Variants in WDR7 observed in about 807,000 individuals in gnomAD.
WDR7 encodes the protein WD repeat-containing protein 7.
In WDR7, 46 loss-of-function variants were observed where a neutral mutation model predicts 169.4. That is an observed-to-expected ratio of 0.27 (90% CI 0.21 to 0.35). WDR7 has a LOEUF of 0.35. Ranked by LOEUF, WDR7 falls within the 10% of genes least tolerant of loss-of-function variation. The pLI is 1.00. For synonymous variants in WDR7, 612 were observed against 666.8 expected (o/e 0.92, Z 1.27); for missense variants, 1,534 against 1,859.3 (o/e 0.83, Z 3.22).
intron 21 of WDR7, among the ~76,000 whole-genome samples, chr18:56,886,935 A>AAT (rs1157998540): frequency 2.6e-5 from 4 of 152,220 alleles, no homozygotes; most frequent in Non-Finnish European, 5.9e-5. Flanking sequence ...CACAATTTTA[A>AAT]ATATATATAC....
In WDR7 at chr18:57,027,436, G is replaced by C. The variant is rs2048382923; in HGVS notation, c.*229G>C. 1 of 548,864 alleles carries C rather than the reference G, an allele frequency of 1.8e-6. No individual in the cohort carries two copies. The highest frequency in any genetic ancestry group is 3.2e-6 in the Non-Finnish European group (1 of 317,292). The allele number at this position is 548,864 out of a possible 1,614,324, so 34.0% of individuals were successfully genotyped here. A position where few individuals can be genotyped will look rare whatever the true frequency, so the allele number is the denominator to read the frequency against. The stretch of plus-strand genomic sequence containing the variant: ...ATGCTCTGCAGGATGTGGCCATCCT[G>C]TCACCAGGTAGTTTTTCCCTGCCAG... On this transcript the variant is annotated 3_prime_UTR_variant, in exon 28 of 28. Coordinates refer to ENST00000254442, the MANE Select transcript of WDR7 (RefSeq NM_015285.3).
chr18:56,980,362 G>A (rs1462859032), intron 26 of WDR7, among the ~76,000 whole-genome samples: 1 of 152,198 alleles, frequency 6.6e-6, no homozygotes, highest in Non-Finnish European at 1.5e-5. Flanking sequence ...TGGCAGTGGT[G>A]TGGAGCCGTG....
At chr18:56,736,761 A>G (rs2026708289) in intron 14 of WDR7, among the ~76,000 whole-genome samples, 1 of 152,024 alleles carries the variant, frequency 6.6e-6, no homozygotes, top group African/African-American at 2.4e-5. Context: ...GTGGAGGTAA[A>G]GAGTGTGGAA....
At chr18:56,704,756 A>C (rs1164323747) in intron 12 of WDR7, among the ~76,000 whole-genome samples, 1 of 152,214 alleles carries the variant, frequency 6.6e-6, no homozygotes, top group African/African-American at 2.4e-5. Flanking sequence ...CATTTTAAAA[A>C]ATTAGAAATT....
At chr18:56,800,697 G>C (rs1201735406) in intron 19 of WDR7, among the ~76,000 whole-genome samples, 1 of 152,200 alleles carries the variant, frequency 6.6e-6, no homozygotes, top group African/African-American at 2.4e-5. Context: ...TCATTGCTCA[G>C]ATTATCCTGG....
At chr18:56,854,871 T>C (rs2045695343) in intron 20 of WDR7, among the ~76,000 whole-genome samples, 1 of 152,168 alleles carries the variant, frequency 6.6e-6, no homozygotes, top group Admixed American at 6.6e-5. Flanking sequence ...TTCTGAGGGC[T>C]GCTTCTGAGG....
chr18:56,864,424 C>T (rs1302701720), intron 20 of WDR7, among the ~76,000 whole-genome samples: 5 of 151,348 alleles, frequency 3.3e-5, no homozygotes, highest in Non-Finnish European at 7.4e-5. Flanking sequence ...TTTGTTTGAG[C>T]TTTTAAAAAT....
chr18:56,991,388 G>T (rs958381499), intron 26 of WDR7, among the ~76,000 whole-genome samples: 2 of 151,952 alleles, frequency 1.3e-5, no homozygotes, highest in Non-Finnish European at 2.9e-5. Context: ...CTCGTGATCC[G>T]CCTGCCTTGG....
intron 26 of WDR7, among the ~76,000 whole-genome samples, chr18:56,963,607 T>C (rs2047364903): frequency 6.6e-6 from 1 of 152,270 alleles, no homozygotes; most frequent in Non-Finnish European, 1.5e-5. Context: ...CTCTAATGTG[T>C]GAATGTGCAT....
intron 21 of WDR7, among the ~76,000 whole-genome samples, chr18:56,906,907 G>A (rs2046486128): frequency 6.6e-6 from 1 of 152,156 alleles, no homozygotes; most frequent in Non-Finnish European, 1.5e-5. Flanking sequence ...GATTGGCACT[G>A]GCTGTCACAC....
At chr18:56,983,564 C>G (rs915884364) in intron 26 of WDR7, among the ~76,000 whole-genome samples, 2 of 76,358 alleles carry the variant, frequency 2.6e-5, no homozygotes, top group Non-Finnish European at 5.2e-5. Context: ...TAAACACACA[C>G]ACACACAGAG....
chr18:56,833,195 C>T (rs2045343288), intron 20 of WDR7, among the ~76,000 whole-genome samples: 2 of 151,688 alleles, frequency 1.3e-5, no homozygotes, highest in South Asian at 4.2e-4. Context: ...GAAGCATACA[C>T]AAGTATTAGT....
chr18:56,762,544 A>G (rs932923667), intron 16 of WDR7, among the ~76,000 whole-genome samples: 1 of 152,076 alleles, frequency 6.6e-6, no homozygotes, highest in Non-Finnish European at 1.5e-5. Context: ...TTTCAAATAT[A>G]TTGACATTTG....
chr18:56,971,088 G>A lies in WDR7; in HGVS notation c.4164+8559G>A, dbSNP rs1308386228. 2.0e-5 allele frequency among the ~76,000 whole-genome samples: 3 copies of A among 151,958 alleles called. No homozygotes were observed. The East Asian group carries it at 5.8e-4, about 29-fold the overall frequency. ...GGAGTTCGAGACCAGCCTGGCCAAT[G>A]TGGTGAAACCCCATCTCTACTAAAA... is the stretch of plus-strand genomic sequence containing the variant. On this transcript the variant is annotated intron_variant, in intron 26 of 27. Coordinates refer to ENST00000254442, the MANE Select transcript of WDR7 (RefSeq NM_015285.3).
intron 25 of WDR7, among the ~76,000 whole-genome samples, chr18:56,945,194 C>T (rs1164302207): frequency 6.6e-6 from 1 of 152,156 alleles, no homozygotes; most frequent in African/African-American, 2.4e-5. Flanking sequence ...GAAAGCAAGA[C>T]AAGGCCAACA....
chr18:56,691,673 T>C, intron 8 of WDR7, 42 bp from the exon 9 acceptor site: 4 of 1,520,024 alleles, frequency 2.6e-6, no homozygotes, highest in Non-Finnish European at 3.6e-6. Context: ...AAGTATTTAA[T>C]GTCAGTATTT....
intron 12 of WDR7, among the ~76,000 whole-genome samples, chr18:56,698,836 C>T (rs2025762957): frequency 6.6e-6 from 1 of 151,948 alleles, no homozygotes; most frequent in African/African-American, 2.4e-5. Context: ...AATGTATTTG[C>T]AATTTGTAAT....
intron 20 of WDR7, among the ~76,000 whole-genome samples, chr18:56,821,300 G>A (rs532835634): frequency 6.6e-5 from 10 of 152,154 alleles, no homozygotes; most frequent in Non-Finnish European, 1.3e-4. Context: ...CTTTTATCAA[G>A]CACATTACAC....
chr18:56,695,262 T>C, intron 11 of WDR7, 64 bp downstream of exon 11: 1 of 1,553,006 alleles, frequency 6.4e-7, no homozygotes, highest in Middle Eastern at 1.7e-4. Context: ...AGTGAAAATG[T>C]CTCTGTTTTT....
Sources: gnomAD v4.1 joint callset for allele counts (sites outside exome capture counted in the v4.1 genomes callset) on GRCh38, gnomAD v4.1.1 for gene constraint, MANE v1.5 for transcripts, NCBI Gene and HGNC (gene_info 2026-07-23, HGNC 2026-07-21) for gene names.